The following POLR1E variants were observed in gnomAD, a reference collection of about 807,000 sequenced individuals.
POLR1E encodes the protein RNA polymerase I subunit E.
POLR1E carries 37 observed loss-of-function variants against 50.9 expected under a neutral mutation model. That is an observed-to-expected ratio of 0.73 (90% confidence interval 0.56 to 0.96). The LOEUF (loss-of-function observed/expected upper bound fraction) is 0.96. POLR1E is among the 40% of genes least tolerant of loss of function. The pLI, the probability that POLR1E is intolerant of heterozygous loss-of-function variation, is 0.00. For missense variants in POLR1E, 426 were observed against 518.1 expected, an observed-to-expected ratio of 0.82 and a Z score of 1.73; for synonymous variants, 166 against 191.6, an observed-to-expected ratio of 0.87 and a Z score of 1.10.
chr9:37,498,033 T>A (rs1170802897), intron 8 of POLR1E, 58 bp from the exon 9 acceptor site: 1 of 1,575,984 alleles, frequency 6.3e-7, no homozygotes, highest in African/African-American at 1.4e-5. Flanking sequence ...AGGGAAGTAG[T>A]TCCTGACAGA....
chr9:37,496,454 A>T (rs1264953235), intron 8 of POLR1E, among the ~76,000 whole-genome samples: 1 of 151,908 alleles, frequency 6.6e-6, no homozygotes, highest in Non-Finnish European at 1.5e-5. Context: ...CCCCTTTCCC[A>T]TTAAAACAGC....
intron 2 of POLR1E, among the ~76,000 whole-genome samples, chr9:37,487,390 G>C (rs1302447262): frequency 1.3e-5 from 2 of 152,212 alleles, no homozygotes; most frequent in Non-Finnish European, 1.5e-5. Flanking sequence ...GCTGGAATGA[G>C]GGTTTGGCAG....
intron 9 of POLR1E, among the ~76,000 whole-genome samples, chr9:37,498,713 C>T (rs1820827030): frequency 6.6e-6 from 1 of 152,160 alleles, no homozygotes. Flanking sequence ...CCCAGTGTCA[C>T]CTGTAGCTAG....
At chr9:37,486,173 G>T in intron 1 of POLR1E, 50 bp downstream of exon 1, 2 of 1,526,196 alleles carry the variant, frequency 1.3e-6, no homozygotes, top group Non-Finnish European at 8.8e-7. Flanking sequence ...CTCCCCTTCC[G>T]TCTCGGTACC....
Position 37,503,468 on chromosome 9 carries a change from C to T in POLR1E, c.*266C>T, listed in dbSNP as rs904304260. The T allele has an allele frequency of 4.7e-5, 13 of 277,370 alleles. No individual in the cohort carries two copies. Among genetic ancestry groups the T allele is most frequent in the African/African-American group, 2.4e-4 (11 of 45,870 alleles). The allele number at this position is 277,370 out of a possible 1,614,324, so 17.2% of individuals were successfully genotyped here. A position where few individuals can be genotyped will look rare whatever the true frequency, so the allele number is the denominator to read the frequency against. ...TGGTGTGCGCCTGTAATCCCAGCTA[C>T]TCGGGAGGCTGAGGCAGGACGATTA... is the stretch of plus-strand genomic sequence containing the variant. On this transcript the variant is annotated 3_prime_UTR_variant, in exon 12 of 12. Transcript: ENST00000377798.
chr9:37,495,461 G>A (rs540301468), intron 7 of POLR1E, among the ~76,000 whole-genome samples, 185 bp downstream of exon 7: 7 of 152,256 alleles, frequency 4.6e-5, no homozygotes, highest in South Asian at 2.1e-4. Context: ...CTGAGGGACC[G>A]GCCCCTGGGA....
At chr9:37,500,163 T>C (rs1325233312) in intron 9 of POLR1E, among the ~76,000 whole-genome samples, 21 of 54,374 alleles carry the variant, frequency 3.9e-4, no homozygotes, top group Non-Finnish European at 5.5e-4. Context: ...GTTTTTTGTT[T>C]TGTTTTGTTT....
Position 37,503,260 on chromosome 9 carries a change from T to C in POLR1E, c.*58T>C. The C allele has an allele frequency of 6.6e-7, 1 of 1,511,576 alleles. No individual in the cohort carries two copies. The highest frequency in any genetic ancestry group is 2.2e-5 in the Admixed American group (1 of 44,472). The allele number at this position is 1,511,576 out of a possible 1,614,324, so 93.6% of individuals were successfully genotyped here. A position where few individuals can be genotyped will look rare whatever the true frequency, so the allele number is the denominator to read the frequency against. ...CATCACAGCCACTGGCTGGTCCTAT[T>C]CATTTCCATTTTTATGTATGTTTTG... is the stretch of plus-strand genomic sequence containing the variant. On this transcript the variant is annotated 3_prime_UTR_variant, in exon 12 of 12. Coordinates refer to ENST00000377798, the MANE Select transcript of POLR1E (RefSeq NM_022490.4).
intron 4 of POLR1E, among the ~76,000 whole-genome samples, chr9:37,491,305 G>T (rs1019542232): frequency 1.3e-5 from 2 of 152,158 alleles, no homozygotes; most frequent in Non-Finnish European, 2.9e-5. Flanking sequence ...TTGTGAATCT[G>T]CCTGATACCT....
chr9:37,499,427 T>C (rs1428617254), intron 9 of POLR1E, among the ~76,000 whole-genome samples: 2 of 152,228 alleles, frequency 1.3e-5, no homozygotes, highest in Admixed American at 6.5e-5. Context: ...AAAAATCTTA[T>C]GGGACCACTG....
chr9:37,490,887 T>C (rs1820671534), intron 4 of POLR1E: 1 of 525,574 alleles, frequency 1.9e-6, no homozygotes, highest in East Asian at 4.7e-5. Context: ...CCCTTTGTGT[T>C]TGTCATTTTG....
chr9:37,495,299 G>A (rs1820765055), intron 7 of POLR1E, 23 bp downstream of exon 7: 1 of 1,576,274 alleles, frequency 6.3e-7, no homozygotes, highest in South Asian at 1.1e-5. Flanking sequence ...CAGTAGAAAA[G>A]CTGCCTTATT....
At position 37,503,053 on chromosome 9, in the gene POLR1E, A is replaced by G; in HGVS notation, c.1111A>G (p.Ile371Val). The stretch of plus-strand genomic sequence containing the variant: ...TTATGTCTTCCTTAGGATGATGGAG[A>G]TAGCCAAAGCCATGAGGCTGAAGAT... The part of the protein sequence containing the change: ...LKLSEKRMME[I>V]AKAMRLKISK... Residue 371 changes from isoleucine (I) to valine (V), a missense_variant, in exon 12 of 12, where the codon ATA becomes GTA. Physicochemically the swap from Ile to Val is conservative, Grantham distance 29. Transcript: ENST00000377798. 2 of 1,612,310 alleles carry G rather than the reference A, an allele frequency of 1.2e-6. No homozygotes were observed. The highest frequency in any genetic ancestry group is 1.7e-6 in the Non-Finnish European group (2 of 1,179,176).
chr9:37,499,881 C>T (rs1229231175), intron 9 of POLR1E, among the ~76,000 whole-genome samples: 1 of 150,584 alleles, frequency 6.6e-6, no homozygotes, highest in Non-Finnish European at 1.5e-5. Context: ...GACAGAGTCT[C>T]GCTCTGTCGC....
chr9:37,495,046 T>G lies in POLR1E; in HGVS notation c.548-123T>G, dbSNP rs552032815. The G allele has an allele frequency of 1.1e-5, 9 of 788,880 alleles. No individual in the cohort carries two copies. The South Asian group carries it at 1.2e-4, about 11-fold the overall frequency. The allele number at this position is 788,880 out of a possible 1,614,324, so 48.9% of individuals were successfully genotyped here. On this transcript the variant is annotated intron_variant, in intron 6 of 11. Transcript: ENST00000377798. The stretch of plus-strand genomic sequence containing the variant: ...GCCTGATGGGGAGGCGAGGTCACTT[T>G]GGCAGAAGCATTTAGACTTGGGGTT...
Position 37,496,016 on chromosome 9 carries a change from G to T in POLR1E, c.752+30G>T, listed in dbSNP as rs367830004. ...CCTGACTTAAGCAGATGGGGATTCT[G>T]GGGAGTGCTGTTGGGACCCAACAGT... On this transcript the variant is annotated intron_variant, in intron 8 of 11. Coordinates refer to ENST00000377798, the MANE Select transcript of POLR1E (RefSeq NM_022490.4). 86 of 1,561,126 alleles carry T rather than the reference G, an allele frequency of 5.5e-5. 1 individual carries two copies. The African/African-American group carries it at 1.0e-3, about 19-fold the overall frequency.
intron 5 of POLR1E, among the ~76,000 whole-genome samples, chr9:37,493,190 G>C (rs1244225275): frequency 6.6e-6 from 1 of 152,160 alleles, no homozygotes; most frequent in Non-Finnish European, 1.5e-5. Flanking sequence ...TTTTGCTTCA[G>C]GGGGAAGGAG....
At chr9:37,494,244 A>G (rs1460839862) in intron 6 of POLR1E, among the ~76,000 whole-genome samples, 1 of 152,108 alleles carries the variant, frequency 6.6e-6, no homozygotes, top group Non-Finnish European at 1.5e-5. Context: ...AGGTCTTGCT[A>G]TGTTGCCCAG....
chr9:37,488,002 A>G, intron 3 of POLR1E, 63 bp downstream of exon 3: 5 of 1,516,894 alleles, frequency 3.3e-6, no homozygotes, highest in Non-Finnish European at 4.6e-6. Context: ...CAGCACTGGC[A>G]CTGCTGTTTC....
Sources: allele counts gnomAD v4.1 joint callset (sites outside exome capture counted in the v4.1 genomes callset), GRCh38; gene constraint gnomAD v4.1.1; transcripts MANE v1.5; gene names NCBI Gene and HGNC (gene_info 2026-07-23, HGNC 2026-07-21).